MLLT10: variants seen among roughly 807,000 people sequenced by gnomAD.
MLLT10 encodes MLLT10 histone lysine methyltransferase DOT1L cofactor.
MLLT10 carries 30 observed loss-of-function variants against 129.1 expected under a neutral mutation model. The observed-to-expected ratio is 0.23, with a 90% CI of 0.17 to 0.32. The LOEUF (loss-of-function observed/expected upper bound fraction) is 0.32, where lower values mean the gene tolerates loss of function less well. MLLT10 is among the 10% of genes least tolerant of loss of function. The probability of loss-of-function intolerance (pLI) is 1.00; values close to 1 mark genes in which losing one functional copy is unlikely to be tolerated. For synonymous variants in MLLT10, 490 were observed against 446.4 expected (o/e 1.10, Z -1.23); for missense variants, 1,119 against 1,268.3 (o/e 0.88, Z 1.79).
chr10:21,693,099 C>G (rs562532757), intron 13 of MLLT10, among the ~76,000 whole-genome samples: 2 of 152,142 alleles, frequency 1.3e-5, no homozygotes, highest in Admixed American at 1.3e-4. Flanking sequence ...TGCCTCATCT[C>G]TTAGCTGAAG....
At chr10:21,629,622 GT>G (rs998468493) in intron 8 of MLLT10, among the ~76,000 whole-genome samples, 1 of 152,232 alleles carries the variant, frequency 6.6e-6, no homozygotes, top group Non-Finnish European at 1.5e-5. Context: ...ATTGTCAATA[GT>G]GGGGAAGGGT....
intron 3 of MLLT10, among the ~76,000 whole-genome samples, chr10:21,543,645 A>T (rs973841295): frequency 1.3e-5 from 2 of 151,786 alleles, no homozygotes; most frequent in Non-Finnish European, 2.9e-5. Flanking sequence ...CGCCCAGCTA[A>T]GTTTTGTATT....
chr10:21,541,600 G>C (rs139866693), intron 3 of MLLT10, among the ~76,000 whole-genome samples: 1 of 152,094 alleles, frequency 6.6e-6, no homozygotes, highest in Non-Finnish European at 1.5e-5. Context: ...TGGCCAGGCT[G>C]GTCTCGATCT....
chr10:21,738,384 A>G (rs773185498), intron 21 of MLLT10: 93 of 1,284,686 alleles, frequency 7.2e-5, no homozygotes, highest in Non-Finnish European at 9.3e-5. Context: ...CCTATTAATC[A>G]AGATTTTACT....
intron 13 of MLLT10, among the ~76,000 whole-genome samples, chr10:21,697,337 G>C (rs1378301723): frequency 1.3e-5 from 2 of 151,904 alleles, no homozygotes; most frequent in Admixed American, 1.3e-4. Context: ...ATGGTGGAAG[G>C]CGCCTGTAAT....
At chr10:21,622,747 C>T (rs1468879660) in intron 8 of MLLT10, among the ~76,000 whole-genome samples, 2 of 152,186 alleles carry the variant, frequency 1.3e-5, no homozygotes, top group Non-Finnish European at 1.5e-5. Context: ...TCACCCAATT[C>T]TCTGTGGACA....
intron 8 of MLLT10, among the ~76,000 whole-genome samples, chr10:21,651,039 GTTGTTTTGTTTTGTTTTGTTTTGTT>G (rs57639142): frequency 4.7e-5 from 7 of 148,430 alleles, no homozygotes; most frequent in Non-Finnish European, 8.9e-5. Flanking sequence ...TGGTGGTTGT[GTTGTTTTGTTTTGTTTTGTTTTGTT>G]TTGTTTTGTT....
At chr10:21,598,460 A>G (rs2043212374) in intron 5 of MLLT10, among the ~76,000 whole-genome samples, 1 of 152,214 alleles carries the variant, frequency 6.6e-6, no homozygotes, top group Non-Finnish European at 1.5e-5. Flanking sequence ...TTAGAAGCCA[A>G]AGTGGGTGCT....
intron 13 of MLLT10, among the ~76,000 whole-genome samples, chr10:21,689,559 A>ATG (rs1554849997): frequency 1.1e-5 from 1 of 92,710 alleles, no homozygotes; most frequent in African/African-American, 4.4e-5. Context: ...ATATATATAT[A>ATG]TATATGTATA....
At chr10:21,562,495 G>A (rs1329519504) in intron 3 of MLLT10, among the ~76,000 whole-genome samples, 6 of 151,188 alleles carry the variant, frequency 4.0e-5, no homozygotes, top group Admixed American at 1.3e-4. Context: ...CCGCCATCAC[G>A]CCCGGCTAAT....
chr10:21,539,562 A>C (rs977058262), intron 3 of MLLT10, among the ~76,000 whole-genome samples: 1 of 150,738 alleles, frequency 6.6e-6, no homozygotes, highest in Non-Finnish European at 1.5e-5. Context: ...TCTCGAGGTC[A>C]AAAGATGGAG....
chr10:21,557,266 A>G lies in MLLT10; in HGVS notation c.240+18354A>G, dbSNP rs978489085. 3.5e-6 allele frequency: 3 copies of G among 868,718 alleles called. No homozygotes were observed. The Admixed American group carries it at 1.4e-4, about 40-fold the overall frequency. 53.8% of individuals were successfully genotyped at this position (868,718 alleles called of 1,614,324 possible). A position where few individuals can be genotyped will look rare whatever the true frequency, so the allele number is the denominator to read the frequency against. ...GTTATTATAAGTAATAGTTTATGAA[A>G]TCTGTATTTGATATAACACTTTCAT... On this transcript the variant is annotated intron_variant, in intron 3 of 22. Transcript: ENST00000307729.
chr10:21,629,848 A>C (rs1292622223), intron 8 of MLLT10, among the ~76,000 whole-genome samples: 2 of 152,204 alleles, frequency 1.3e-5, no homozygotes, highest in African/African-American at 2.4e-5. Flanking sequence ...GTATAGTCCC[A>C]GCTGCTGGAG....
At chr10:21,733,437 C>T (rs1427797497) in intron 18 of MLLT10, 67 bp from the exon 19 acceptor site, 4 of 1,030,434 alleles carry the variant, frequency 3.9e-6, no homozygotes, top group Non-Finnish European at 5.4e-6. Flanking sequence ...TTTAATAAGC[C>T]TTTAATCTTA....
chr10:21,600,367 G>GC, intron 5 of MLLT10, among the ~76,000 whole-genome samples: 1 of 134,986 alleles, frequency 7.4e-6, no homozygotes, highest in African/African-American at 3.4e-5. Flanking sequence ...TCCTGAGATA[G>GC]AACACACACA....
chr10:21,622,501 A>G (rs1444999723), intron 8 of MLLT10, among the ~76,000 whole-genome samples: 1 of 152,084 alleles, frequency 6.6e-6, no homozygotes, highest in African/African-American at 2.4e-5. Context: ...AAAATTTGGT[A>G]TATATTTTAA....
chr10:21,612,375 A>G lies in MLLT10; in HGVS notation c.433A>G (p.Arg145Gly). 6.2e-7 allele frequency: 1 copy of G among 1,612,132 alleles called. No individual in the cohort carries two copies. Among genetic ancestry groups the G allele is most frequent in the Non-Finnish European group, 8.5e-7 (1 of 1,179,044 alleles). The change falls in exon 6 of 23, where the codon AGA (arginine) becomes GGA (glycine). Residue 145 changes from arginine to glycine, a missense_variant. Around this residue, in one of 5 missense-constraint regions of MLLT10, gnomAD observed 44 missense variants for 114.3 expected, o/e 0.38. Transcript: ENST00000307729. ...KTCYICDEQG[R>G]ESKAATGACM... ...TTGCTACATTTGTGATGAACAAGGA[A>G]GAGAAAGCAAAGCAGCCACTGGTGC...
At chr10:21,596,177 A>T (rs1427239009) in intron 5 of MLLT10, among the ~76,000 whole-genome samples, 1 of 152,258 alleles carries the variant, frequency 6.6e-6, no homozygotes, top group East Asian at 1.9e-4. Flanking sequence ...TAAATATAAG[A>T]CAAAAATCAT....
At chr10:21,726,426 C>A in intron 15 of MLLT10, 71 bp downstream of exon 15, 3 of 1,087,452 alleles carry the variant, frequency 2.8e-6, no homozygotes, top group South Asian at 1.4e-5. Flanking sequence ...CCTTTTGGTT[C>A]ATTTTATTTG....
Sources: gnomAD v4.1 joint callset for allele counts (sites outside exome capture counted in the v4.1 genomes callset) on GRCh38, gnomAD v4.1.1 for gene constraint, gnomAD v4.1.1 regional missense constraint, MANE v1.5 for transcripts, NCBI Gene and HGNC (gene_info 2026-07-23, HGNC 2026-07-21) for gene names.